ZDHHC14: variants seen among roughly 807,000 people sequenced by gnomAD.
ZDHHC14 encodes zDHHC palmitoyltransferase 14.
In ZDHHC14, 16 loss-of-function variants were observed where a neutral mutation model predicts 47.7. The observed-to-expected ratio is 0.34, with a 90% confidence interval of 0.23 to 0.51. The LOEUF (loss-of-function observed/expected upper bound fraction) is 0.51. Ranked by LOEUF, ZDHHC14 falls within the 20% of genes least tolerant of loss-of-function variation. The probability of loss-of-function intolerance (pLI) is 0.97; values close to 1 mark genes in which losing one functional copy is unlikely to be tolerated. For synonymous variants in ZDHHC14, 293 were observed against 278.9 expected, an observed-to-expected ratio of 1.05 and a Z score of -0.50; for missense variants, 515 against 662.5, an observed-to-expected ratio of 0.78 and a Z score of 2.44.
chr6:157,462,502 T>C (rs754528723), intron 1 of ZDHHC14, among the ~76,000 whole-genome samples: 8 of 152,210 alleles, frequency 5.3e-5, no homozygotes, highest in Non-Finnish European at 1.0e-4. Context: ...GCAAAAAAAG[T>C]AGTGCAGTGC....
At chr6:157,577,211 T>C (rs944781513) in intron 2 of ZDHHC14, among the ~76,000 whole-genome samples, 2 of 152,240 alleles carry the variant, frequency 1.3e-5, no homozygotes, top group Non-Finnish European at 2.9e-5. Flanking sequence ...TTTTTAAGGC[T>C]GCATAGTATT....
intron 2 of ZDHHC14, among the ~76,000 whole-genome samples, chr6:157,570,879 G>GA: frequency 6.6e-6 from 1 of 151,784 alleles, no homozygotes. Context: ...GGCAGCCCCT[G>GA]AAAAAAGAGC....
intron 1 of ZDHHC14, among the ~76,000 whole-genome samples, chr6:157,408,095 G>A (rs1247115212): frequency 1.3e-5 from 2 of 152,194 alleles, no homozygotes; most frequent in South Asian, 2.1e-4. Context: ...GTTGTGATAG[G>A]TGGGCTATAT....
chr6:157,512,022 C>T (rs914937050), intron 1 of ZDHHC14, among the ~76,000 whole-genome samples: 6 of 152,122 alleles, frequency 3.9e-5, no homozygotes, highest in Admixed American at 2.6e-4. Context: ...TGAACTGGAA[C>T]GGTGAAGAAG....
chr6:157,504,663 G>A (rs1050455573), intron 1 of ZDHHC14, among the ~76,000 whole-genome samples: 4 of 151,836 alleles, frequency 2.6e-5, no homozygotes, highest in Admixed American at 6.6e-5. Context: ...TGCCCACCTC[G>A]GCCTCCCAAA....
At chr6:157,606,139 T>G (rs1314457410) in intron 3 of ZDHHC14, among the ~76,000 whole-genome samples, 1 of 152,164 alleles carries the variant, frequency 6.6e-6, no homozygotes, top group Non-Finnish European at 1.5e-5. Context: ...GACCGGGCAT[T>G]TTCCCCTTCA....
chr6:157,511,310 G>A (rs539630960), intron 1 of ZDHHC14, among the ~76,000 whole-genome samples: 110 of 152,238 alleles, frequency 7.2e-4, no homozygotes, highest in African/African-American at 2.6e-3. Context: ...TCCATTTTCT[G>A]TAAACTACAG....
chr6:157,421,059 AT>A (rs530022450), intron 1 of ZDHHC14, among the ~76,000 whole-genome samples: 3 of 151,440 alleles, frequency 2.0e-5, no homozygotes, highest in East Asian at 3.9e-4. Flanking sequence ...ACTTCAGTTT[AT>A]TTTTTTTTGT....
intron 1 of ZDHHC14, among the ~76,000 whole-genome samples, chr6:157,405,527 T>G (rs934259704): frequency 6.6e-6 from 1 of 152,098 alleles, no homozygotes; most frequent in African/African-American, 2.4e-5. Context: ...CCACCGTGCC[T>G]GGCCGAGCTC....
chr6:157,581,675 C>T (rs1172405610), intron 2 of ZDHHC14, among the ~76,000 whole-genome samples: 2 of 151,940 alleles, frequency 1.3e-5, no homozygotes, highest in Non-Finnish European at 2.9e-5. Context: ...ATGTAATGCC[C>T]TTCTTTGTCT....
intron 4 of ZDHHC14, chr6:157,630,830 C>G (rs112347588): frequency 3.4e-5 from 2 of 59,038 alleles, no homozygotes; most frequent in East Asian, 0.018. Flanking sequence ...CCCACACTCA[C>G]TCTAGCCACT....
chr6:157,530,173 A>AAAAAAAG (rs1357077898), intron 1 of ZDHHC14, among the ~76,000 whole-genome samples: 2 of 152,222 alleles, frequency 1.3e-5, no homozygotes, highest in South Asian at 4.1e-4. Context: ...ACCTAAAAAG[A>AAAAAAAG]AAAAAAGAAA....
chr6:157,665,689 A>G (rs1457451772), intron 8 of ZDHHC14, among the ~76,000 whole-genome samples: 1 of 152,246 alleles, frequency 6.6e-6, no homozygotes, highest in African/African-American at 2.4e-5. Flanking sequence ...ATTGATAGAA[A>G]GCTGGCATCA....
intron 1 of ZDHHC14, among the ~76,000 whole-genome samples, chr6:157,540,888 A>ATGTGTGTGTGTGTG (rs1171821046): frequency 7.8e-6 from 1 of 127,604 alleles, no homozygotes; most frequent in African/African-American, 3.6e-5. Flanking sequence ...ATATGTATGT[A>ATGTGTGTGTGTGTG]TGTGTGTGTG....
intron 1 of ZDHHC14, among the ~76,000 whole-genome samples, chr6:157,533,709 C>T (rs934364186): frequency 2.6e-5 from 4 of 152,076 alleles, no homozygotes; most frequent in Non-Finnish European, 2.9e-5. Flanking sequence ...GCATTGGGCA[C>T]GGAGTGCAGC....
At chr6:157,469,094 G>A (rs1779293729) in intron 1 of ZDHHC14, among the ~76,000 whole-genome samples, 1 of 152,220 alleles carries the variant, frequency 6.6e-6, no homozygotes, top group African/African-American at 2.4e-5. Flanking sequence ...TCTGGCAGCA[G>A]AATCTAGCCT....
At chr6:157,478,283 G>A (rs1311908531) in intron 1 of ZDHHC14, among the ~76,000 whole-genome samples, 1 of 152,130 alleles carries the variant, frequency 6.6e-6, no homozygotes, top group African/African-American at 2.4e-5. Flanking sequence ...TAAAACCTTT[G>A]TAAGTTAGGA....
At chr6:157,436,309 T>C (rs1455049844) in intron 1 of ZDHHC14, among the ~76,000 whole-genome samples, 1 of 152,124 alleles carries the variant, frequency 6.6e-6, no homozygotes, top group Non-Finnish European at 1.5e-5. Flanking sequence ...TAACATAAGA[T>C]CTGTCAAATG....
intron 3 of ZDHHC14, among the ~76,000 whole-genome samples, chr6:157,603,319 A>G (rs1056581223): frequency 6.6e-6 from 1 of 152,272 alleles, no homozygotes; most frequent in African/African-American, 2.4e-5. Flanking sequence ...GATAACTAAC[A>G]TCATAAAGAA....
Sources: allele counts gnomAD v4.1 joint callset (sites outside exome capture counted in the v4.1 genomes callset), GRCh38; gene constraint gnomAD v4.1.1; transcripts MANE v1.5; gene names NCBI Gene and HGNC (gene_info 2026-07-23, HGNC 2026-07-21).